The following ADARB2 variants were observed in gnomAD, a reference collection of about 807,000 sequenced individuals.
The protein encoded by ADARB2 is adenosine deaminase RNA specific B2 (inactive), also known as inactive double-stranded RNA-specific editase B2.
A neutral mutation model predicts 62.2 loss-of-function variants in ADARB2; 25 were observed. The ratio of observed to expected loss-of-function variants is 0.40; its 90% CI spans 0.29 to 0.56. The LOEUF (loss-of-function observed/expected upper bound fraction) is 0.56. ADARB2 is among the 20% of genes least tolerant of loss of function. The pLI is 0.43. For synonymous variants in ADARB2, 572 were observed against 500.8 expected (o/e 1.14, Z -1.90); for missense variants, 1,071 against 1,077.4 (o/e 0.99, Z 0.08).
At chr10:1,440,602 T>G (rs1830893974) in intron 1 of ADARB2, among the ~76,000 whole-genome samples, 1 of 152,186 alleles carries the variant, frequency 6.6e-6, no homozygotes, top group South Asian at 2.1e-4. Flanking sequence ...ACAACCTAAT[T>G]TATCTGTAGC....
intron 1 of ADARB2, among the ~76,000 whole-genome samples, chr10:1,613,310 G>A (rs1833593675): frequency 1.3e-5 from 2 of 152,170 alleles, no homozygotes; most frequent in Non-Finnish European, 2.9e-5. Flanking sequence ...CCCATTCCAT[G>A]AAAAGATTTT....
intron 1 of ADARB2, among the ~76,000 whole-genome samples, chr10:1,473,886 G>A (rs1429378031): frequency 4.1e-5 from 3 of 73,992 alleles, no homozygotes; most frequent in African/African-American, 9.3e-5. Flanking sequence ...GTGGGGACAG[G>A]TGTCAAGTTC....
At chr10:1,629,348 G>A (rs1833814039) in intron 1 of ADARB2, among the ~76,000 whole-genome samples, 1 of 152,062 alleles carries the variant, frequency 6.6e-6, no homozygotes, top group Non-Finnish European at 1.5e-5. Context: ...GCTGTCCCCT[G>A]GGATTGGTGG....
In ADARB2 at chr10:1,737,303, G is replaced by C. The variant is rs976408254; in HGVS notation, c.-153C>G. On this transcript the variant is annotated 5_prime_UTR_variant, in exon 1 of 10. Coordinates refer to ENST00000381312, the MANE Select transcript of ADARB2 (RefSeq NM_018702.4). Reference sequence around the variant, plus strand: ...AGGACTGAGCAGGAAAGCGCGCTCCGTCTCTCTGTCTCTCGAATTGTTCTC... The same window carrying C: ...AGGACTGAGCAGGAAAGCGCGCTCCCTCTCTCTGTCTCTCGAATTGTTCTC... 8.8e-6 allele frequency: 6 copies of C among 682,486 alleles called. No individual in the cohort carries two copies. The highest frequency in any genetic ancestry group is 3.7e-5 in the South Asian group (2 of 53,572). 42.3% of individuals were successfully genotyped at this position (682,486 alleles called of 1,614,324 possible).
chr10:1,218,982 G>A lies in ADARB2; in HGVS notation c.1514-1863C>T, dbSNP rs530292063. Among the ~76,000 whole-genome samples, 10 of 151,022 alleles carry A rather than the reference G, an allele frequency of 6.6e-5. No homozygotes were observed. The East Asian group carries it at 1.4e-3, about 21-fold the overall frequency. On this transcript the variant is annotated intron_variant, in intron 6 of 9. Transcript: ENST00000381312. ...GGAGAATGGCCTGAACCCAGGAGGT[G>A]GAGCTTGCAGTGAGCCGAGATTGTG... is the stretch of plus-strand genomic sequence containing the variant.
intron 1 of ADARB2, among the ~76,000 whole-genome samples, chr10:1,573,473 C>T (rs1832967552): frequency 1.3e-5 from 2 of 152,194 alleles, no homozygotes; most frequent in South Asian, 4.1e-4. Flanking sequence ...GTAAAGGTGC[C>T]ATCAGCAGAG....
In ADARB2 at chr10:1,466,570, C is replaced by T. The variant is rs370508397; in HGVS notation, c.101-87410G>A. Among the ~76,000 whole-genome samples the T allele has an allele frequency of 4.9e-3, 751 of 152,290 alleles. 6 individuals are homozygous for T. Among genetic ancestry groups the T allele is most frequent in the African/African-American group, 0.017 (718 of 41,554 alleles). ...CTCACCTAGTGGCTAGGCGGACACACAGCACAGGGTGGATTCAGGCCCGCC... is the reference window on the plus strand; with the variant it reads ...CTCACCTAGTGGCTAGGCGGACACATAGCACAGGGTGGATTCAGGCCCGCC... On this transcript the variant is annotated intron_variant, in intron 1 of 9. Transcript: ENST00000381312.
chr10:1,503,335 C>T lies in ADARB2; in HGVS notation c.101-124175G>A, dbSNP rs1405225637. 8.6e-5 allele frequency among the ~76,000 whole-genome samples: 13 copies of T among 150,966 alleles called. No individual in the cohort carries two copies. In the South Asian group the frequency reaches 1.1e-3, roughly 12 times the overall value. On this transcript the variant is annotated intron_variant, in intron 1 of 9. Transcript: ENST00000381312. ...CTGAGTAGCTAGGAAAACAGGCACA[C>T]GCCACCATACCCAGCTATTTTTTTT...
At chr10:1,222,453 C>A (rs1407242025) in intron 6 of ADARB2, among the ~76,000 whole-genome samples, 1 of 151,028 alleles carries the variant, frequency 6.6e-6, no homozygotes, top group East Asian at 1.9e-4. Context: ...GCTTTTGTTG[C>A]CATTGCTTTT....
rs368107258 is a variant in ADARB2 at position 1,737,404 on chromosome 10, G to A, written c.-254C>T. ...GCTGCTCCCTGGTCAGGGAGGGCGG[G>A]GAAGGGCGCGCGGCGTCCTGAGTGC... On this transcript the variant is annotated 5_prime_UTR_variant, in exon 1 of 10. Coordinates refer to ENST00000381312, the MANE Select transcript of ADARB2 (RefSeq NM_018702.4). The A allele has an allele frequency of 6.4e-5, 30 of 469,620 alleles. No individual in the cohort carries two copies. Among genetic ancestry groups the A allele is most frequent in the Non-Finnish European group, 1.1e-4 (29 of 260,532 alleles). The allele number at this position is 469,620 out of a possible 1,614,324, so 29.1% of individuals were successfully genotyped here.
intron 8 of ADARB2, among the ~76,000 whole-genome samples, chr10:1,198,156 C>T (rs1836935551): frequency 6.6e-6 from 1 of 152,210 alleles, no homozygotes. Context: ...CAAGTATATC[C>T]TTCAAGAACA....
intron 1 of ADARB2, among the ~76,000 whole-genome samples, chr10:1,522,228 C>A (rs985309091): frequency 6.6e-5 from 10 of 152,172 alleles, no homozygotes; most frequent in African/African-American, 1.9e-4. Flanking sequence ...GAGAGCCTCA[C>A]GTTTGAAGTA....
Position 1,432,942 on chromosome 10 carries a change from T to G in ADARB2, c.101-53782A>C, listed in dbSNP as rs550005391. ...TATCTCCTGAACAATGAATACGTGG[T>G]TCAATGGATCCTCAGTTTTAAAGGA... On this transcript the variant is annotated intron_variant, in intron 1 of 9. Coordinates refer to ENST00000381312, the MANE Select transcript of ADARB2 (RefSeq NM_018702.4). Among the ~76,000 whole-genome samples the G allele has an allele frequency of 2.6e-3, 392 of 152,136 alleles. 3 individuals carry two copies. Among genetic ancestry groups the G allele is most frequent in the Middle Eastern group, 0.024 (7 of 294 alleles).
At chr10:1,256,965 G>A (rs750375427) in intron 4 of ADARB2, among the ~76,000 whole-genome samples, 1 of 152,196 alleles carries the variant, frequency 6.6e-6, no homozygotes, top group Non-Finnish European at 1.5e-5. Flanking sequence ...AATAATGAGA[G>A]CATGAAGCCC....
intron 4 of ADARB2, among the ~76,000 whole-genome samples, chr10:1,257,566 G>A (rs1346460419): frequency 6.6e-6 from 1 of 152,210 alleles, no homozygotes; most frequent in East Asian, 1.9e-4. Context: ...CAGGGGCTGG[G>A]TCCAGAGCGC....
intron 1 of ADARB2, among the ~76,000 whole-genome samples, chr10:1,522,714 G>A (rs758838333): frequency 8.5e-5 from 13 of 152,234 alleles, no homozygotes; most frequent in South Asian, 2.1e-4. Flanking sequence ...CCGTTTATAC[G>A]TTAGTTATTG....
chr10:1,672,635 C>G (rs1192719298), intron 1 of ADARB2, among the ~76,000 whole-genome samples: 1 of 147,980 alleles, frequency 6.8e-6, no homozygotes, highest in Admixed American at 6.7e-5. Flanking sequence ...ACACTTTCCC[C>G]TCCTCCTTGC....
intron 1 of ADARB2, among the ~76,000 whole-genome samples, chr10:1,519,123 C>T (rs537930580): frequency 3.3e-5 from 5 of 151,206 alleles, no homozygotes; most frequent in African/African-American, 9.7e-5. Context: ...GCATTCATTC[C>T]GTGTAATGTC....
chr10:1,603,177 C>A (rs1206816283), intron 1 of ADARB2, among the ~76,000 whole-genome samples: 2 of 127,208 alleles, frequency 1.6e-5, no homozygotes, highest in African/African-American at 2.7e-5. Context: ...ACACACACAC[C>A]TGTACACACA....
Sources: gnomAD v4.1 joint callset for allele counts (sites outside exome capture counted in the v4.1 genomes callset) on GRCh38, gnomAD v4.1.1 for gene constraint, MANE v1.5 for transcripts, NCBI Gene and HGNC (gene_info 2026-07-23, HGNC 2026-07-21) for gene names.